The following WAC variants were observed in gnomAD, a reference collection of about 807,000 sequenced individuals.
WAC encodes WW domain containing adaptor with coiled-coil, also known as WW domain-containing adapter protein with coiled-coil.
Under a neutral mutation model 79.6 loss-of-function variants are expected in WAC, and 11 were observed. The observed-to-expected ratio is 0.14, with a 90% CI of 0.09 to 0.23. WAC has a LOEUF of 0.23. Ranked by LOEUF, WAC falls within the 10% of genes least tolerant of loss-of-function variation. The pLI is 1.00. For synonymous variants in WAC, 304 were observed against 276.9 expected, an observed-to-expected ratio of 1.10 and a Z score of -0.97; for missense variants, 728 against 773.5, an observed-to-expected ratio of 0.94 and a Z score of 0.70.
At chr10:28,557,211 A>C (rs1838045989) in intron 3 of WAC, among the ~76,000 whole-genome samples, 1 of 152,184 alleles carries the variant, frequency 6.6e-6, no homozygotes, top group Non-Finnish European at 1.5e-5. Flanking sequence ...TTTTAAAGAT[A>C]AATTTGAGTG....
intron 3 of WAC, among the ~76,000 whole-genome samples, chr10:28,561,355 C>T (rs931932635): frequency 6.6e-6 from 1 of 152,154 alleles, no homozygotes; most frequent in Non-Finnish European, 1.5e-5. Context: ...ATTCTCTAAC[C>T]CTTCTCTTCC....
Position 28,535,566 on chromosome 10 carries a change from T to G in WAC, c.83T>G (p.Leu28Arg). The change falls in exon 3 of 14, where the codon CTT becomes CGT. Residue 28 changes from leucine to arginine, a missense_variant. Around this residue, in one of 3 missense-constraint regions of WAC, gnomAD observed 648 missense variants for 661.5 expected, o/e 0.98. Coordinates refer to ENST00000354911, the MANE Select transcript of WAC (RefSeq NM_016628.5). The stretch of plus-strand genomic sequence containing the variant: ...TGGGGGGGTGATGTTTTACAGGCAC[T>G]TAAGTATTCATCGAAGAGTCACCCC... ...RRGDSQPYQALKYSSKSHPSS... is the reference protein window; with the variant it reads ...RRGDSQPYQARKYSSKSHPSS... 3 of 1,607,696 alleles carry G rather than the reference T, an allele frequency of 1.9e-6. No individual in the cohort carries two copies. Among genetic ancestry groups the G allele is most frequent in the Non-Finnish European group, 2.5e-6 (3 of 1,176,660 alleles).
chr10:28,568,288 GT>G (rs1257220429), intron 3 of WAC, among the ~76,000 whole-genome samples: 1 of 152,178 alleles, frequency 6.6e-6, no homozygotes, highest in African/African-American at 2.4e-5. Context: ...CATTATTCCA[GT>G]TGCTGAATTA....
chr10:28,575,366 T>G (rs1262930184), intron 3 of WAC, among the ~76,000 whole-genome samples: 1 of 152,244 alleles, frequency 6.6e-6, no homozygotes, highest in African/African-American at 2.4e-5. Flanking sequence ...TTTTTATGGC[T>G]ACAGATAACT....
At chr10:28,586,982 C>G (rs1323551298) in intron 4 of WAC, among the ~76,000 whole-genome samples, 1 of 151,992 alleles carries the variant, frequency 6.6e-6, no homozygotes, top group East Asian at 1.9e-4. Context: ...GAGTCTTGAG[C>G]CAGGCGAGGT....
intron 10 of WAC, among the ~76,000 whole-genome samples, chr10:28,612,317 G>GT (rs1453778942): frequency 6.6e-6 from 1 of 152,176 alleles, no homozygotes; most frequent in Non-Finnish European, 1.5e-5. Flanking sequence ...CTTAATGTAT[G>GT]TTTAGCTTTC....
intron 4 of WAC, among the ~76,000 whole-genome samples, chr10:28,588,458 A>C (rs1389861881): frequency 6.6e-6 from 1 of 152,192 alleles, no homozygotes. Flanking sequence ...ACTCGGTGTT[A>C]ATTTAGTGGA....
chr10:28,571,269 C>T (rs1838948596), intron 3 of WAC, among the ~76,000 whole-genome samples: 3 of 151,982 alleles, frequency 2.0e-5, no homozygotes, highest in Admixed American at 6.6e-5. Flanking sequence ...TGTGATGCCG[C>T]GAGTACTATT....
At chr10:28,606,147 C>T (rs1239367360) in intron 7 of WAC, among the ~76,000 whole-genome samples, 1 of 151,902 alleles carries the variant, frequency 6.6e-6, no homozygotes. Context: ...GACTTCGTGG[C>T]TCAGGTGGTT....
intron 4 of WAC, among the ~76,000 whole-genome samples, chr10:28,584,811 G>T (rs1839729915): frequency 6.6e-6 from 1 of 152,086 alleles, no homozygotes; most frequent in Non-Finnish European, 1.5e-5. Context: ...TATACTATTG[G>T]CCAGGCACGG....
At chr10:28,609,307 G>A (rs932326062) in intron 8 of WAC, among the ~76,000 whole-genome samples, 1 of 152,114 alleles carries the variant, frequency 6.6e-6, no homozygotes, top group African/African-American at 2.4e-5. Context: ...AGGTTGCAGT[G>A]AGCTGAGATG....
At chr10:28,541,738 A>G (rs548819238) in intron 3 of WAC, among the ~76,000 whole-genome samples, 2 of 152,262 alleles carry the variant, frequency 1.3e-5, no homozygotes, top group African/African-American at 4.8e-5. Context: ...GAAACTGGAA[A>G]GGAAGTCTCT....
At chr10:28,567,222 A>G (rs1187649251) in intron 3 of WAC, among the ~76,000 whole-genome samples, 2 of 149,338 alleles carry the variant, frequency 1.3e-5, no homozygotes, top group Non-Finnish European at 3.0e-5. Context: ...GACTTTATCT[A>G]AAGTTTTTGG....
chr10:28,552,822 CAGTG>C (rs9331407), intron 3 of WAC, among the ~76,000 whole-genome samples: 45,642 of 138,614 alleles, frequency 0.33, 7,894 homozygotes, highest in East Asian at 0.54. Context: ...AGTGTTTTGA[CAGTG>C]AGCAAATCCA....
At chr10:28,558,926 G>A (rs972079804) in intron 3 of WAC, among the ~76,000 whole-genome samples, 1 of 152,118 alleles carries the variant, frequency 6.6e-6, no homozygotes, top group Non-Finnish European at 1.5e-5. Context: ...CTAGAATGAC[G>A]AATACGGGTA....
intron 3 of WAC, among the ~76,000 whole-genome samples, chr10:28,559,397 A>G (rs1681203904): frequency 6.6e-6 from 1 of 152,128 alleles, no homozygotes; most frequent in Non-Finnish European, 1.5e-5. Context: ...TGTTTAAACA[A>G]GTTAGCTACC....
intron 1 of WAC, 155 bp downstream of exon 1, chr10:28,533,775 C>A: frequency 3.0e-6 from 2 of 659,034 alleles, no homozygotes; most frequent in Non-Finnish European, 4.9e-6. Flanking sequence ...GGCGGGCGGG[C>A]GGGAACGCAG....
At chr10:28,603,185 G>A (rs1263871070) in intron 7 of WAC, among the ~76,000 whole-genome samples, 1 of 152,194 alleles carries the variant, frequency 6.6e-6, no homozygotes, top group African/African-American at 2.4e-5. Flanking sequence ...ATTGGAAGAA[G>A]AAGAATTGTC....
intron 3 of WAC, among the ~76,000 whole-genome samples, chr10:28,566,752 ATATGCT>A (rs1278235581): frequency 6.6e-6 from 1 of 152,132 alleles, no homozygotes; most frequent in African/African-American, 2.4e-5. Context: ...TTTGTAAGTG[ATATGCT>A]TCTGCTGGGA....
Sources: allele counts gnomAD v4.1 joint callset (sites outside exome capture counted in the v4.1 genomes callset), GRCh38; gene constraint gnomAD v4.1.1; regional missense constraint gnomAD v4.1.1; transcripts MANE v1.5; gene names NCBI Gene and HGNC (gene_info 2026-07-23, HGNC 2026-07-21).